Variants in DYNLT2B observed in about 807,000 individuals in gnomAD.
DYNLT2B encodes the protein dynein light chain Tctex-type protein 2B.
A neutral mutation model predicts 19.5 loss-of-function variants in DYNLT2B; 14 were observed. The ratio of observed to expected loss-of-function variants is 0.72; its 90% CI spans 0.47 to 1.12. The LOEUF (loss-of-function observed/expected upper bound fraction) is 1.12. Among genes scored for constraint, DYNLT2B ranks in the 50% most tolerant of loss-of-function variants. The pLI, the probability that DYNLT2B is intolerant of heterozygous loss-of-function variation, is 0.00. For missense variants in DYNLT2B, 133 were observed against 174.7 expected, an observed-to-expected ratio of 0.76 and a Z score of 1.35; for synonymous variants, 70 against 59.7, an observed-to-expected ratio of 1.17 and a Z score of -0.79.
intron 3 of DYNLT2B, among the ~76,000 whole-genome samples, chr3:196,299,654 G>A (rs1341827148): frequency 2.6e-5 from 4 of 152,138 alleles, no homozygotes; most frequent in East Asian, 1.9e-4. Flanking sequence ...AATTCAGGCC[G>A]GGCACAGTGG....
At chr3:196,315,285 CAG>C (rs1726752079) in intron 2 of DYNLT2B, 16 of 400,196 alleles carry the variant, frequency 4.0e-5, no homozygotes, top group Non-Finnish European at 6.7e-5. Context: ...TTTTTTGAGA[CAG>C]AGTCTCACTC....
chr3:196,315,746 C>T (rs1333305485), intron 2 of DYNLT2B, among the ~76,000 whole-genome samples: 3 of 152,032 alleles, frequency 2.0e-5, no homozygotes, highest in Non-Finnish European at 2.9e-5. Context: ...ATGGTGCATG[C>T]CTGTAATCCC....
At chr3:196,310,887 C>T (rs1210715883) in intron 2 of DYNLT2B, among the ~76,000 whole-genome samples, 2 of 152,104 alleles carry the variant, frequency 1.3e-5, no homozygotes, top group East Asian at 1.9e-4. Flanking sequence ...AGGCGTGCAC[C>T]ACCACGCCTG....
intron 3 of DYNLT2B, among the ~76,000 whole-genome samples, chr3:196,303,410 A>C (rs1016761962): frequency 1.3e-5 from 2 of 152,190 alleles, no homozygotes; most frequent in African/African-American, 4.8e-5. Context: ...CCCACTGAGC[A>C]GTTATAGAAA....
intron 2 of DYNLT2B, chr3:196,315,202 T>C (rs1257122373): frequency 1.2e-5 from 5 of 426,804 alleles, no homozygotes; most frequent in Non-Finnish European, 2.3e-5. Context: ...TTGTCTTTAA[T>C]AGAATCCACA....
intron 4 of DYNLT2B, among the ~76,000 whole-genome samples, chr3:196,293,100 C>T (rs934211551): frequency 1.3e-5 from 2 of 152,068 alleles, no homozygotes; most frequent in African/African-American, 2.4e-5. Flanking sequence ...GTGATCCACC[C>T]GCCTCGGCCT....
intron 3 of DYNLT2B, among the ~76,000 whole-genome samples, chr3:196,300,222 A>T (rs1391397665): frequency 6.6e-6 from 1 of 152,200 alleles, no homozygotes; most frequent in Admixed American, 6.5e-5. Context: ...CTGTAAAGTA[A>T]TATATTTGTG....
At chr3:196,316,869 C>T (rs1726813905) in intron 1 of DYNLT2B, among the ~76,000 whole-genome samples, 1 of 135,530 alleles carries the variant, frequency 7.4e-6, no homozygotes, top group Non-Finnish European at 1.6e-5. Context: ...TGCTCTGGCC[C>T]GTGAGCCTGA....
At chr3:196,316,792 C>A (rs1436154943) in intron 1 of DYNLT2B, among the ~76,000 whole-genome samples, 1 of 151,398 alleles carries the variant, frequency 6.6e-6, no homozygotes, top group Admixed American at 6.6e-5. Flanking sequence ...CCATATTTGC[C>A]AAGCAAATAT....
intron 4 of DYNLT2B, among the ~76,000 whole-genome samples, chr3:196,293,895 G>A (rs978572927): frequency 6.6e-5 from 10 of 150,610 alleles, no homozygotes; most frequent in Middle Eastern, 3.4e-3. Context: ...CGCCCGCCTC[G>A]GCCTCCCAGA....
chr3:196,307,615 A>G (rs1362032010), intron 2 of DYNLT2B, among the ~76,000 whole-genome samples: 1 of 151,934 alleles, frequency 6.6e-6, no homozygotes, highest in East Asian at 1.9e-4. Flanking sequence ...ATATAGTAAT[A>G]TCTAAAGCAT....
chr3:196,291,524 G>A, intron 4 of DYNLT2B, 150 bp from the exon 5 acceptor site: 2 of 706,308 alleles, frequency 2.8e-6, no homozygotes, highest in Non-Finnish European at 4.6e-6. Flanking sequence ...TATCACCCAG[G>A]CTGGAGTGCA....
chr3:196,291,778 C>T (rs1286859647), intron 4 of DYNLT2B, among the ~76,000 whole-genome samples: 26 of 152,354 alleles, frequency 1.7e-4, no homozygotes, highest in Admixed American at 1.6e-3. Flanking sequence ...CCTCACCCAG[C>T]CACCAATTTT....
intron 2 of DYNLT2B, 86 bp downstream of exon 2, chr3:196,316,012 C>A (rs1320823213): frequency 1.4e-6 from 2 of 1,467,846 alleles, no homozygotes; most frequent in Non-Finnish European, 1.8e-6. Flanking sequence ...GCCCCAATGT[C>A]CTTTGTTTAA....
At chr3:196,297,898 A>G (rs1344794494) in intron 3 of DYNLT2B, among the ~76,000 whole-genome samples, 1 of 152,190 alleles carries the variant, frequency 6.6e-6, no homozygotes, top group Non-Finnish European at 1.5e-5. Flanking sequence ...TTTATTACTG[A>G]ACCCAGCCTA....
chr3:196,314,670 A>G (rs900080098), intron 2 of DYNLT2B, among the ~76,000 whole-genome samples: 12 of 151,572 alleles, frequency 7.9e-5, no homozygotes, highest in African/African-American at 2.9e-4. Flanking sequence ...AAAAATTAAA[A>G]AATTAGCCAA....
chr3:196,312,303 C>T (rs1024629334), intron 2 of DYNLT2B, among the ~76,000 whole-genome samples: 1 of 152,160 alleles, frequency 6.6e-6, no homozygotes, highest in Non-Finnish European at 1.5e-5. Flanking sequence ...CAGGCGTGAG[C>T]CACCACGTCC....
chr3:196,316,629 T>G (rs1160262506), intron 1 of DYNLT2B, among the ~76,000 whole-genome samples: 2 of 152,180 alleles, frequency 1.3e-5, no homozygotes, highest in Non-Finnish European at 2.9e-5. Context: ...TTCAGAACCT[T>G]TTACCAAGAT....
chr3:196,318,221 A>C lies in DYNLT2B; in HGVS notation c.-69T>G, dbSNP rs979774051. On this transcript the variant is annotated 5_prime_UTR_variant, in exon 1 of 5. Coordinates refer to ENST00000325318, the MANE Select transcript of DYNLT2B (RefSeq NM_152773.5). ...GCGGGTTGCGGTCGCGGCCGGCAGC[A>C]GGGAAAGCGTCTCCAGGGCAACAGG... 2.2e-5 allele frequency: 20 copies of C among 896,138 alleles called. No homozygotes were observed. The highest frequency in any genetic ancestry group is 7.1e-5 in the African/African-American group (4 of 56,460). The allele number at this position is 896,138 out of a possible 1,614,324, so 55.5% of individuals were successfully genotyped here.
Sources: gnomAD v4.1 joint callset for allele counts (sites outside exome capture counted in the v4.1 genomes callset) on GRCh38, gnomAD v4.1.1 for gene constraint, MANE v1.5 for transcripts, NCBI Gene and HGNC (gene_info 2026-07-23, HGNC 2026-07-21) for gene names.